Variants in DDHD1 observed in about 807,000 individuals in gnomAD.
DDHD1 encodes the protein phospholipase DDHD1.
A neutral mutation model predicts 96.4 loss-of-function variants in DDHD1; 49 were observed. That is an observed-to-expected ratio of 0.51 (90% confidence interval 0.40 to 0.64). DDHD1 has a LOEUF of 0.64. Ranked by LOEUF, DDHD1 falls within the 30% of genes least tolerant of loss-of-function variation. The pLI, the probability that DDHD1 is intolerant of heterozygous loss-of-function variation, is 0.00. For synonymous variants in DDHD1, 442 were observed against 446.5 expected, an observed-to-expected ratio of 0.99 and a Z score of 0.13; for missense variants, 1,106 against 1,161.2, an observed-to-expected ratio of 0.95 and a Z score of 0.69.
intron 1 of DDHD1, among the ~76,000 whole-genome samples, chr14:53,113,256 C>T (rs375440002): frequency 7.2e-5 from 11 of 151,820 alleles, no homozygotes; most frequent in African/African-American, 1.9e-4. Flanking sequence ...GCATATGCCA[C>T]GACGCCTGGC....
Position 53,073,850 on chromosome 14 carries a change from A to G in DDHD1, c.1290-3T>C, listed in dbSNP as rs1884733186. The G allele has an allele frequency of 1.2e-6, 2 of 1,605,730 alleles. No homozygotes were observed. The highest frequency in any genetic ancestry group is 8.5e-7 in the Non-Finnish European group (1 of 1,175,974). On this transcript the variant is annotated splice_region_variant and splice_polypyrimidine_tract_variant and intron_variant, in intron 4 of 12. Transcript: ENST00000673822. ...TTTTTCTTGCAGCTTCTCTCATCCT[A>G]AAAAAACAAACAAACAAAAATGCAA...
rs944450 is a variant in DDHD1, at chr14:53,036,950, C to T, written c.*9818G>A. 18,082 of 152,040 alleles carry T rather than the reference C, an allele frequency of 0.12. 1,156 individuals carry two copies. The highest frequency in any genetic ancestry group is 0.16 in the Middle Eastern group (47 of 294). The allele number at this position is 152,040 out of a possible 1,614,324, so 9.4% of individuals were successfully genotyped here. ...TCTGCCCTCCTCACCCACAGTGTTC[C>T]AGTCTGCAGTGTCTGTTGTTCCCAC... is the stretch of plus-strand genomic sequence containing the variant. On this transcript the variant is annotated 3_prime_UTR_variant, in exon 13 of 13. Transcript: ENST00000673822.
intron 1 of DDHD1, among the ~76,000 whole-genome samples, chr14:53,116,426 TC>T (rs2139777808): frequency 6.6e-6 from 1 of 152,320 alleles, no homozygotes; most frequent in African/African-American, 2.4e-5. Context: ...TATATATTCT[TC>T]TCAGTGCCAC....
chr14:53,070,938 T>C (rs1041552619), intron 6 of DDHD1, among the ~76,000 whole-genome samples: 1 of 152,154 alleles, frequency 6.6e-6, no homozygotes, highest in African/African-American at 2.4e-5. Flanking sequence ...CCCTTCTTTC[T>C]CTTATGAAAG....
intron 1 of DDHD1, among the ~76,000 whole-genome samples, chr14:53,146,540 A>G (rs866921013): frequency 6.6e-6 from 1 of 152,008 alleles, no homozygotes; most frequent in Non-Finnish European, 1.5e-5. Context: ...AATCTTGTTC[A>G]CAATCTGTTG....
intron 1 of DDHD1, among the ~76,000 whole-genome samples, chr14:53,131,606 G>A (rs1244174864): frequency 6.6e-6 from 1 of 151,848 alleles, no homozygotes; most frequent in Non-Finnish European, 1.5e-5. Flanking sequence ...CACTTGGACT[G>A]ACCCAGACAC....
At chr14:53,107,836 G>T (rs1309838096) in intron 1 of DDHD1, among the ~76,000 whole-genome samples, 22 of 152,036 alleles carry the variant, frequency 1.4e-4, no homozygotes, top group Non-Finnish European at 2.2e-4. Flanking sequence ...CTTTAAACAC[G>T]GGGCTTGCAA....
intron 4 of DDHD1, among the ~76,000 whole-genome samples, chr14:53,075,430 T>C (rs141967551): frequency 6.6e-6 from 1 of 152,284 alleles, no homozygotes; most frequent in Non-Finnish European, 1.5e-5. Flanking sequence ...AGAGCAAGCC[T>C]TAACTCTTTT....
chr14:53,152,543 C>A lies in DDHD1; in HGVS notation c.556G>T (p.Asp186Tyr). ...KKTWKPFIGYDSLRIELAFRT... is the reference protein window; with the variant it reads ...KKTWKPFIGYYSLRIELAFRT... ...AAGGCGAGCTCGATGCGGAGCGAGTCGTAGCCGATGAAGGGCTTCCAGGTC... is the reference window on the plus strand; with the variant it reads ...AAGGCGAGCTCGATGCGGAGCGAGTAGTAGCCGATGAAGGGCTTCCAGGTC... The change falls in exon 1 of 13, where the codon GAC (aspartate) becomes TAC (tyrosine). Residue 186 changes from aspartate to tyrosine, a missense_variant. By Grantham distance (160) the Asp-to-Tyr change is radical. Around this residue, in one of 2 missense-constraint regions of DDHD1, gnomAD observed 456 missense variants for 402.4 expected, o/e 1.13. Coordinates refer to ENST00000673822, the MANE Select transcript of DDHD1 (RefSeq NM_001160148.2). 6.2e-7 allele frequency: 1 copy of A among 1,613,532 alleles called. No homozygotes were observed. Among genetic ancestry groups the A allele is most frequent in the Non-Finnish European group, 8.5e-7 (1 of 1,179,936 alleles).
intron 1 of DDHD1, among the ~76,000 whole-genome samples, chr14:53,110,443 T>A (rs1314698603): frequency 6.6e-6 from 1 of 152,248 alleles, no homozygotes; most frequent in Non-Finnish European, 1.5e-5. Flanking sequence ...TACTTCTGTA[T>A]CTTGCATATG....
chr14:53,044,192 G>A lies in DDHD1; in HGVS notation c.*2576C>T, dbSNP rs1298378525. ...CAAAACCGAAATCACCATCTCTACT[G>A]ATGAAAAATGAACTGAAAACAAAAC... On this transcript the variant is annotated 3_prime_UTR_variant, in exon 13 of 13. Transcript: ENST00000673822. 1 of 152,112 alleles carries A rather than the reference G, an allele frequency of 6.6e-6. No individual in the cohort carries two copies. The highest frequency in any genetic ancestry group is 1.5e-5 in the Non-Finnish European group (1 of 68,018). 9.4% of individuals were successfully genotyped at this position (152,112 alleles called of 1,614,324 possible).
chr14:53,086,302 C>T (rs1436060715), intron 4 of DDHD1, among the ~76,000 whole-genome samples: 2 of 152,056 alleles, frequency 1.3e-5, no homozygotes, highest in African/African-American at 2.4e-5. Context: ...ATACAGAGAA[C>T]ACCACAAAGA....
intron 4 of DDHD1, among the ~76,000 whole-genome samples, chr14:53,076,720 C>T (rs1295854969): frequency 6.6e-6 from 1 of 152,108 alleles, no homozygotes; most frequent in African/African-American, 2.4e-5. Context: ...AATTGCCACA[C>T]CCACCCCAAA....
intron 6 of DDHD1, among the ~76,000 whole-genome samples, chr14:53,071,324 A>G (rs996627521): frequency 1.3e-5 from 2 of 152,138 alleles, no homozygotes; most frequent in Non-Finnish European, 2.9e-5. Context: ...ATTTATCTTA[A>G]GTACTATAAC....
intron 12 of DDHD1, among the ~76,000 whole-genome samples, chr14:53,050,700 A>C (rs768065407): frequency 6.6e-6 from 1 of 152,108 alleles, no homozygotes; most frequent in Non-Finnish European, 1.5e-5. Context: ...CTCTTGGCTC[A>C]AGGTAAACAG....
At chr14:53,148,614 A>G (rs1891155680) in intron 1 of DDHD1, among the ~76,000 whole-genome samples, 1 of 152,196 alleles carries the variant, frequency 6.6e-6, no homozygotes, top group Non-Finnish European at 1.5e-5. Flanking sequence ...CGCCTGGCCT[A>G]GAATTGCTGA....
At chr14:53,089,492 G>A (rs1393054036) in intron 4 of DDHD1, among the ~76,000 whole-genome samples, 4 of 152,090 alleles carry the variant, frequency 2.6e-5, no homozygotes, top group African/African-American at 9.7e-5. Flanking sequence ...ACAGAACACA[G>A]GCCTCAGAAA....
At chr14:53,130,612 C>T (rs1403348204) in intron 1 of DDHD1, among the ~76,000 whole-genome samples, 2 of 152,242 alleles carry the variant, frequency 1.3e-5, no homozygotes, top group Non-Finnish European at 2.9e-5. Flanking sequence ...AACTTCAAAA[C>T]GCCTGAACTG....
chr14:53,107,471 C>A (rs1452983727), intron 1 of DDHD1, among the ~76,000 whole-genome samples: 3 of 152,062 alleles, frequency 2.0e-5, no homozygotes, highest in African/African-American at 7.2e-5. Flanking sequence ...CTTCATCACA[C>A]CAATCAGAAA....
Sources: gnomAD v4.1 joint callset for allele counts (sites outside exome capture counted in the v4.1 genomes callset) on GRCh38, gnomAD v4.1.1 for gene constraint, gnomAD v4.1.1 regional missense constraint, MANE v1.5 for transcripts, NCBI Gene and HGNC (gene_info 2026-07-23, HGNC 2026-07-21) for gene names.